Variants in SGCD observed in about 807,000 individuals in gnomAD.
SGCD encodes the protein sarcoglycan delta.
SGCD carries 18 observed loss-of-function variants against 36.6 expected under a neutral mutation model. The ratio of observed to expected loss-of-function variants is 0.49; its 90% CI spans 0.34 to 0.73. The LOEUF (loss-of-function observed/expected upper bound fraction) is 0.73. Among genes scored for constraint, SGCD ranks in the 30% least tolerant of loss-of-function variants. The probability of loss-of-function intolerance (pLI) is 0.01; values close to 1 mark genes in which losing one functional copy is unlikely to be tolerated. For missense variants in SGCD, 387 were observed against 346.7 expected, an observed-to-expected ratio of 1.12 and a Z score of -0.92; for synonymous variants, 133 against 130.6, an observed-to-expected ratio of 1.02 and a Z score of -0.12.
intron 3 of SGCD, among the ~76,000 whole-genome samples, chr5:156,468,828 CTAA>C (rs1754828560): frequency 6.6e-6 from 1 of 152,042 alleles, no homozygotes; most frequent in Non-Finnish European, 1.5e-5. Context: ...CCCGCCTCTA[CTAA>C]TAATAAAAAA....
intron 3 of SGCD, among the ~76,000 whole-genome samples, chr5:156,365,277 G>C (rs951627318): frequency 6.6e-6 from 1 of 152,112 alleles, no homozygotes. Flanking sequence ...AACAGAATGA[G>C]GAATTATCTA....
intron 3 of SGCD, among the ~76,000 whole-genome samples, chr5:156,395,031 A>T (rs944314634): frequency 6.6e-6 from 1 of 152,146 alleles, no homozygotes; most frequent in Non-Finnish European, 1.5e-5. Context: ...GAATGACAGG[A>T]TGTGTGTGAT....
intron 1 of SGCD, among the ~76,000 whole-genome samples, chr5:155,934,065 A>G (rs1757149697): frequency 1.3e-5 from 2 of 152,358 alleles, no homozygotes; most frequent in African/African-American, 4.8e-5. Context: ...TTCAAATTTC[A>G]GAAAGAATGA....
At chr5:156,243,863 T>G (rs1765366111) in intron 3 of SGCD, among the ~76,000 whole-genome samples, 2 of 152,056 alleles carry the variant, frequency 1.3e-5, no homozygotes, top group South Asian at 4.1e-4. Context: ...AGCAGCAAAA[T>G]AAATGTATTA....
the SGCD span, among the ~76,000 whole-genome samples, chr5:155,823,942 G>C: frequency 6.6e-6 from 1 of 152,166 alleles, no homozygotes; most frequent in Non-Finnish European, 1.5e-5. Flanking sequence ...CAGACCAAAA[G>C]AGAGAAACTC....
intron 3 of SGCD, among the ~76,000 whole-genome samples, chr5:156,474,595 A>G (rs561092074): frequency 1.3e-5 from 2 of 152,356 alleles, no homozygotes; most frequent in Non-Finnish European, 2.9e-5. Flanking sequence ...GGTCACAGAA[A>G]GAGGCAGCCA....
At chr5:156,048,645 A>G (rs893743005) in intron 1 of SGCD, among the ~76,000 whole-genome samples, 18 of 152,076 alleles carry the variant, frequency 1.2e-4, no homozygotes, top group South Asian at 2.1e-4. Flanking sequence ...GTCTGTTCAT[A>G]TCCTTCACCC....
intron 3 of SGCD, among the ~76,000 whole-genome samples, chr5:156,150,364 A>G (rs7719820): frequency 0.99 from 150,240 of 151,572 alleles, 74,466 homozygotes; most frequent in East Asian, 1. Flanking sequence ...AACCCCCTAC[A>G]CTAGTCTGCT....
chr5:156,669,581 A>G (rs1753204349), intron 7 of SGCD, among the ~76,000 whole-genome samples: 1 of 152,210 alleles, frequency 6.6e-6, no homozygotes, highest in Non-Finnish European at 1.5e-5. Context: ...CTTTGCATGG[A>G]TAAAGATGAT....
intron 1 of SGCD, among the ~76,000 whole-genome samples, chr5:155,944,771 G>A (rs1757404556): frequency 6.6e-6 from 1 of 152,068 alleles, no homozygotes; most frequent in South Asian, 2.1e-4. Context: ...CACTGAATTT[G>A]TTTCCAACTT....
chr5:156,101,902 CTGTGTGTGTGTG>C (rs36187985), intron 1 of SGCD, among the ~76,000 whole-genome samples: 10 of 108,090 alleles, frequency 9.3e-5, no homozygotes, highest in Admixed American at 3.8e-4. Flanking sequence ...GTGTCTCCAG[CTGTGTGTGTGTG>C]TGTGTGTGTG....
chr5:156,138,266 T>C (rs565674686), intron 3 of SGCD, among the ~76,000 whole-genome samples: 52 of 152,304 alleles, frequency 3.4e-4, no homozygotes, highest in Non-Finnish European at 5.7e-4. Flanking sequence ...CCAAGTGTGA[T>C]GGTGCATGCC....
the SGCD span, among the ~76,000 whole-genome samples, chr5:155,772,352 CTT>C: frequency 6.6e-6 from 1 of 152,154 alleles, no homozygotes; most frequent in African/African-American, 2.4e-5. Context: ...ATTCCAAGTG[CTT>C]TCATCTTCAC....
At chr5:156,520,482 C>T (rs1429447313) in intron 4 of SGCD, among the ~76,000 whole-genome samples, 1 of 151,814 alleles carries the variant, frequency 6.6e-6, no homozygotes, top group Non-Finnish European at 1.5e-5. Flanking sequence ...ATTAAACTAC[C>T]TTTGATGTTA....
At chr5:156,282,929 C>A (rs573140107) in intron 3 of SGCD, among the ~76,000 whole-genome samples, 1 of 151,968 alleles carries the variant, frequency 6.6e-6, no homozygotes, top group Non-Finnish European at 1.5e-5. Context: ...GTAAAGAAAA[C>A]GCATTTTTGA....
In SGCD at chr5:156,231,333, G is replaced by A. The variant is rs192443888; in HGVS notation, c.-43-98201G>A. Among the ~76,000 whole-genome samples the A allele has an allele frequency of 3.2e-4, 49 of 152,130 alleles. No homozygotes were observed. In the East Asian group the frequency reaches 6.2e-3, roughly 19 times the overall value. ...GTGGATCACTTGAGGCCAGAAGTTC[G>A]CAAGAAGCCTGGCCAACATGGTGAA... On this transcript the variant is annotated intron_variant, in intron 3 of 9. Transcript: ENST00000517913.
chr5:155,878,535 C>T (rs1755812393), intron 1 of SGCD, among the ~76,000 whole-genome samples: 1 of 151,966 alleles, frequency 6.6e-6, no homozygotes, highest in Non-Finnish European at 1.5e-5. Context: ...CGAGTCTAAG[C>T]CTAAAGCAGT....
intron 1 of SGCD, among the ~76,000 whole-genome samples, chr5:156,073,027 T>G (rs1760634779): frequency 6.6e-6 from 1 of 152,204 alleles, no homozygotes; most frequent in Non-Finnish European, 1.5e-5. Flanking sequence ...TAGTTATACA[T>G]TCATCTAAAT....
Position 155,961,871 on chromosome 5 carries a change from G to A in SGCD, c.-282+91447G>A, listed in dbSNP as rs150118546. ...AGAATAGTACTTGGTATGGAAAAAA[G>A]CTTTCTGCGTAGATATTTGGTAAGT... is the stretch of plus-strand genomic sequence containing the variant. On this transcript the variant is annotated intron_variant, in intron 1 of 9. Coordinates refer to the SGCD transcript ENST00000517913. Among the ~76,000 whole-genome samples, 1,121 of 152,154 alleles carry A rather than the reference G, an allele frequency of 7.4e-3. 13 individuals are homozygous for A. Among genetic ancestry groups the A allele is most frequent in the African/African-American group, 0.026 (1,070 of 41,520 alleles).
Sources: allele counts gnomAD v4.1 joint callset (sites outside exome capture counted in the v4.1 genomes callset), GRCh38; gene constraint gnomAD v4.1.1; transcripts MANE v1.5; gene names NCBI Gene and HGNC (gene_info 2026-07-23, HGNC 2026-07-21).